The following SLC36A4 variants were observed in gnomAD, a reference collection of about 807,000 sequenced individuals.
SLC36A4 encodes the protein solute carrier family 36 member 4, also known as neutral amino acid uniporter 4.
Under a neutral mutation model 50.5 loss-of-function variants are expected in SLC36A4, and 49 were observed. The ratio of observed to expected loss-of-function variants is 0.97; its 90% CI spans 0.77 to 1.23. SLC36A4 has a LOEUF of 1.23. SLC36A4 is among the 50% of genes most tolerant of loss of function. The pLI is 0.00. For synonymous variants in SLC36A4, 207 were observed against 206.5 expected, an observed-to-expected ratio of 1.00 and a Z score of -0.02; for missense variants, 611 against 608.4, an observed-to-expected ratio of 1.00 and a Z score of -0.05.
chr11:93,183,516 TA>T (rs1682254552), intron 3 of SLC36A4, among the ~76,000 whole-genome samples: 1 of 152,254 alleles, frequency 6.6e-6, no homozygotes, highest in Admixed American at 6.5e-5. Flanking sequence ...AATGCAGGGA[TA>T]GTTAAAACTG....
At position 93,145,382 on chromosome 11, in the gene SLC36A4, T is replaced by C. The variant is rs1226048456; in HGVS notation, c.*3155A>G. On this transcript the variant is annotated 3_prime_UTR_variant, in exon 11 of 11. Coordinates refer to ENST00000326402, the MANE Select transcript of SLC36A4 (RefSeq NM_152313.4). The stretch of plus-strand genomic sequence containing the variant: ...TAATGTGGCATTTGCTAATACAGAC[T>C]TGTTTTCATTTGGTAACATCATCTA... The C allele has an allele frequency of 6.6e-6, 1 of 152,084 alleles. No individual in the cohort carries two copies. The highest frequency in any genetic ancestry group is 1.9e-4 in the East Asian group (1 of 5,180). 9.4% of individuals were successfully genotyped at this position (152,084 alleles called of 1,614,324 possible).
At chr11:93,172,529 C>T (rs1287850323) in intron 6 of SLC36A4, among the ~76,000 whole-genome samples, 27 of 151,004 alleles carry the variant, frequency 1.8e-4, no homozygotes, top group African/African-American at 5.6e-4. Context: ...ATGTGCCATG[C>T]TGGTGCGCTG....
At chr11:93,197,266 C>CA (rs1862467482) in intron 1 of SLC36A4, 1 of 154,310 alleles carries the variant, frequency 6.5e-6, no homozygotes, top group Admixed American at 6.5e-5. Flanking sequence ...AGGAAAGCAG[C>CA]AAAAAACAAA....
At chr11:93,178,044 T>C (rs1054135486) in intron 6 of SLC36A4, among the ~76,000 whole-genome samples, 2 of 152,144 alleles carry the variant, frequency 1.3e-5, no homozygotes, top group African/African-American at 4.8e-5. Context: ...CCCGGCCACT[T>C]TGTTTACCTA....
Position 93,168,159 on chromosome 11 carries a change from A to G in SLC36A4, c.553T>C (p.Phe185Leu), listed in dbSNP as rs201777152. Reference protein sequence around the residue: ...AENVKQVHEGFLESKVFISNS... With the variant: ...AENVKQVHEGLLESKVFISNS... ...GAAATAAACACTTTACTCTCCAGGA[A>G]TCCTTCATGAACCTACATAGGATTA... Residue 185 changes from phenylalanine (F) to leucine (L), a missense_variant, in exon 7 of 11, where the codon TTC (phenylalanine) becomes CTC (leucine). Transcript: ENST00000326402. 2 of 1,605,604 alleles carry G rather than the reference A, an allele frequency of 1.2e-6. No homozygotes were observed. Among genetic ancestry groups the G allele is most frequent in the Non-Finnish European group, 8.5e-7 (1 of 1,175,642 alleles).
chr11:93,166,170 T>C, intron 7 of SLC36A4, 154 bp from the exon 8 acceptor site: 2 of 1,306,232 alleles, frequency 1.5e-6, no homozygotes, highest in Middle Eastern at 5.8e-4. Context: ...AAGCATCCTC[T>C]GTTAAATGTA....
chr11:93,174,980 T>G (rs1204578320), intron 6 of SLC36A4, among the ~76,000 whole-genome samples: 3 of 151,410 alleles, frequency 2.0e-5, no homozygotes, highest in Non-Finnish European at 4.4e-5. Flanking sequence ...TTAGGGAGGA[T>G]TCCCTCTTTT....
intron 6 of SLC36A4, chr11:93,170,284 A>C (rs1415032383): frequency 6.6e-6 from 1 of 152,098 alleles, no homozygotes; most frequent in East Asian, 1.9e-4. Flanking sequence ...GCTCAAATTT[A>C]CTAAAATCCA....
intron 10 of SLC36A4, among the ~76,000 whole-genome samples, chr11:93,150,278 T>C (rs1351688617): frequency 1.3e-5 from 2 of 152,086 alleles, no homozygotes; most frequent in Admixed American, 1.3e-4. Context: ...AATTATGGCA[T>C]GTGTTGGAGA....
chr11:93,180,878 AC>A lies in SLC36A4; in HGVS notation c.458del (p.Ser153MetfsTer8), dbSNP rs1325392535. ...TTATCACCAGAAAAAAGTCAACCAC[AC>A]TCCTGAAAAAAGATATCCACAAATG... ...CLQKQAAWGR[S>X]VVDFFLVITQ... On this transcript the variant is annotated frameshift_variant and splice_region_variant, in exon 6 of 11. Coordinates refer to ENST00000326402, the MANE Select transcript of SLC36A4 (RefSeq NM_152313.4). LOFTEE classifies it high-confidence loss of function. The A allele has an allele frequency of 6.2e-7, 1 of 1,608,922 alleles. No homozygotes were observed. Among genetic ancestry groups the A allele is most frequent in the Non-Finnish European group, 8.5e-7 (1 of 1,175,796 alleles).
intron 1 of SLC36A4, 71 bp downstream of exon 1, chr11:93,197,707 G>A: frequency 3.3e-6 from 5 of 1,505,238 alleles, no homozygotes; most frequent in Non-Finnish European, 3.6e-6. Context: ...CTGGAGGTGT[G>A]GGCGCACCCG....
intron 6 of SLC36A4, among the ~76,000 whole-genome samples, chr11:93,173,508 T>C (rs1297847146): frequency 2.7e-5 from 4 of 149,764 alleles, no homozygotes; most frequent in African/African-American, 9.9e-5. Context: ...GTTTTGGACA[T>C]GAAGTCCTTG....
Position 93,148,059 on chromosome 11 carries a change from T to A in SLC36A4, c.*478A>T, listed in dbSNP as rs923940234. On this transcript the variant is annotated 3_prime_UTR_variant, in exon 11 of 11. Transcript: ENST00000326402. ...CATTAGAATTTGGCTAATAAAAACA[T>A]AACTGAGATTTTTTTTTTTTACACT... 2.0e-5 allele frequency: 3 copies of A among 151,788 alleles called. No homozygotes were observed. The highest frequency in any genetic ancestry group is 1.3e-4 in the Admixed American group (2 of 15,182). The allele number at this position is 151,788 out of a possible 1,614,324, so 9.4% of individuals were successfully genotyped here.
At chr11:93,176,277 C>CT (rs1590965819) in intron 6 of SLC36A4, among the ~76,000 whole-genome samples, 1 of 149,284 alleles carries the variant, frequency 6.7e-6, no homozygotes, top group Non-Finnish European at 1.5e-5. Flanking sequence ...CAACCCCTGC[C>CT]TTTTTTTGTT....
At position 93,164,539 on chromosome 11, in the gene SLC36A4, A is replaced by C. The variant is rs1225699711; in HGVS notation, c.867+1379T>G. Among the ~76,000 whole-genome samples, 8 of 152,150 alleles carry C rather than the reference A, an allele frequency of 5.3e-5. No individual in the cohort carries two copies. The East Asian group carries it at 1.5e-3, about 29-fold the overall frequency. ...AGATGATAAATCTAGTATTTTTTCC[A>C]CTTTTCATATAAGTCAGTCAGTTCC... is the stretch of plus-strand genomic sequence containing the variant. On this transcript the variant is annotated intron_variant, in intron 8 of 10. Transcript: ENST00000326402.
Position 93,145,503 on chromosome 11 carries a change from G to A in SLC36A4, c.*3034C>T, listed in dbSNP as rs959246532. The A allele has an allele frequency of 2.5e-4, 38 of 152,014 alleles. No homozygotes were observed. Among genetic ancestry groups the A allele is most frequent in the Admixed American group, 2.2e-3 (34 of 15,240 alleles). The allele number at this position is 152,014 out of a possible 1,614,324, so 9.4% of individuals were successfully genotyped here. Reference sequence around the variant, plus strand: ...GAAAAGAAGTCCCTCTGAAAAAAACGTCTGAGAACCAGTGTTTTGACAAGT... The same window carrying A: ...GAAAAGAAGTCCCTCTGAAAAAAACATCTGAGAACCAGTGTTTTGACAAGT... On this transcript the variant is annotated 3_prime_UTR_variant, in exon 11 of 11. Coordinates refer to ENST00000326402, the MANE Select transcript of SLC36A4 (RefSeq NM_152313.4).
chr11:93,169,346 A>G (rs2134663393), intron 6 of SLC36A4, among the ~76,000 whole-genome samples: 1 of 152,202 alleles, frequency 6.6e-6, no homozygotes, highest in South Asian at 2.1e-4. Context: ...CTAGGATTCA[A>G]ACCTAAGCCT....
At chr11:93,170,772 A>G (rs1861097696) in intron 6 of SLC36A4, among the ~76,000 whole-genome samples, 1 of 152,068 alleles carries the variant, frequency 6.6e-6, no homozygotes, top group Non-Finnish European at 1.5e-5. Flanking sequence ...GACTAGACTT[A>G]TCAGAAGCAC....
At position 93,185,724 on chromosome 11, in the gene SLC36A4, T is replaced by C; in HGVS notation, c.146A>G (p.Lys49Arg). 6.2e-7 allele frequency: 1 copy of C among 1,604,572 alleles called. No homozygotes were observed. Among genetic ancestry groups the C allele is most frequent in the East Asian group, 2.2e-5 (1 of 44,636 alleles). ...EHEQELLPVQKHYQLDDQEGI... is the reference protein window; with the variant it reads ...EHEQELLPVQRHYQLDDQEGI... ...CTCTTGATCATCAAGTTGGTAATGC[T>C]TCTGAACAGGCAGAAGCTCTTGCTC... is the stretch of plus-strand genomic sequence containing the variant. Residue 49 changes from lysine (K) to arginine (R), a missense_variant, in exon 2 of 11, where the codon AAG becomes AGG. Coordinates refer to ENST00000326402, the MANE Select transcript of SLC36A4 (RefSeq NM_152313.4).
Sources: gnomAD v4.1 joint callset for allele counts (sites outside exome capture counted in the v4.1 genomes callset) on GRCh38, gnomAD v4.1.1 for gene constraint, MANE v1.5 for transcripts, NCBI Gene and HGNC (gene_info 2026-07-23, HGNC 2026-07-21) for gene names.